Variants in PCBP3 observed in about 807,000 individuals in gnomAD.
PCBP3 encodes the protein poly(rC) binding protein 3.
Under a neutral mutation model 52.7 loss-of-function variants are expected in PCBP3, and 25 were observed. The ratio of observed to expected loss-of-function variants is 0.47; its 90% CI spans 0.35 to 0.66. The LOEUF (loss-of-function observed/expected upper bound fraction) is 0.66, where lower values mean the gene tolerates loss of function less well. Among genes scored for constraint, PCBP3 ranks in the 30% least tolerant of loss-of-function variants. The probability of loss-of-function intolerance (pLI) is 0.01; values close to 1 mark genes in which losing one functional copy is unlikely to be tolerated. For synonymous variants in PCBP3, 162 were observed against 183.0 expected (o/e 0.89, Z 0.93); for missense variants, 391 against 490.3 (o/e 0.80, Z 1.91).
chr21:45,810,885 G>T (rs1356926641), intron 4 of PCBP3, among the ~76,000 whole-genome samples: 2 of 152,042 alleles, frequency 1.3e-5, no homozygotes, highest in Non-Finnish European at 2.9e-5. Flanking sequence ...TATCAATTTT[G>T]GAAGCTGTAG....
chr21:45,905,626 C>T (rs2096183285), intron 9 of PCBP3, among the ~76,000 whole-genome samples: 1 of 152,214 alleles, frequency 6.6e-6, no homozygotes, highest in South Asian at 2.1e-4. Flanking sequence ...CCATCAGGGC[C>T]GGTTCCTCTG....
At chr21:45,932,835 A>G (rs565808321) in intron 15 of PCBP3, among the ~76,000 whole-genome samples, 1 of 151,786 alleles carries the variant, frequency 6.6e-6, no homozygotes, top group African/African-American at 2.4e-5. Context: ...CCTGAGATGA[A>G]CGAACACCTG....
At chr21:45,873,358 C>T (rs2095114905) in intron 5 of PCBP3, 1 of 152,194 alleles carries the variant, frequency 6.6e-6, no homozygotes, top group Non-Finnish European at 1.5e-5. Flanking sequence ...TCACTTGTGG[C>T]CTGTATTTCT....
At chr21:45,808,108 A>G (rs2092567789) in intron 4 of PCBP3, among the ~76,000 whole-genome samples, 1 of 152,244 alleles carries the variant, frequency 6.6e-6, no homozygotes, top group South Asian at 2.1e-4. Flanking sequence ...AAGAAAACCT[A>G]GGCAATACCA....
rs1030749624 is a variant in PCBP3, at chr21:45,758,287, A to AT, written c.-126+2844dup. ...GTTCTTCTTTTCCGAAATTTTGACT[A>AT]TTTTTTTTTGTCATTGTTGCATTCC... is the stretch of plus-strand genomic sequence containing the variant. On this transcript the variant is annotated intron_variant, in intron 4 of 17. Coordinates refer to ENST00000681687, the MANE Select transcript of PCBP3 (RefSeq NM_001384156.1). Among the ~76,000 whole-genome samples, 79 of 151,246 alleles carry AT rather than the reference A, an allele frequency of 5.2e-4. No homozygotes were observed. In the East Asian group the frequency reaches 0.012, roughly 22 times the overall value.
At chr21:45,691,404 T>C (rs1483509330) in intron 2 of PCBP3, among the ~76,000 whole-genome samples, 1 of 143,396 alleles carries the variant, frequency 7.0e-6, no homozygotes, top group African/African-American at 2.6e-5. Context: ...ATATATCTCA[T>C]ATATATATTA....
rs1329952516 is a variant in PCBP3, at chr21:45,704,516, G to T, written c.-199-30876G>T. Among the ~76,000 whole-genome samples the T allele has an allele frequency of 6.6e-6, 1 of 152,178 alleles. No homozygotes were observed. The highest frequency in any genetic ancestry group is 1.5e-5 in the Non-Finnish European group (1 of 68,006). On this transcript the variant is annotated intron_variant, in intron 2 of 17. Coordinates refer to ENST00000681687, the MANE Select transcript of PCBP3 (RefSeq NM_001384156.1). This position sits in a 1 kb window ranked among gnomAD's most constrained non-coding sequence, Gnocchi z 4.1. Reference sequence around the variant, plus strand: ...TCCCCTGGCAGAGGCGCCCCAGGGGGCTCCAGGGGAGTGCTGTCTGCTGCT... The same window carrying T: ...TCCCCTGGCAGAGGCGCCCCAGGGGTCTCCAGGGGAGTGCTGTCTGCTGCT...
intron 4 of PCBP3, among the ~76,000 whole-genome samples, chr21:45,785,734 C>T (rs965330534): frequency 4.6e-5 from 7 of 152,008 alleles, no homozygotes; most frequent in Non-Finnish European, 8.8e-5. Flanking sequence ...GGATGGTTGC[C>T]GTGTCTGTGT....
At chr21:45,914,086 C>T (rs1284322904) in intron 12 of PCBP3, 61 bp downstream of exon 12, 1 of 1,611,434 alleles carries the variant, frequency 6.2e-7, no homozygotes, top group Non-Finnish European at 8.5e-7. Context: ...GCAGCACCCG[C>T]CGCTGCCCGT....
At position 45,917,535 on chromosome 21, in the gene PCBP3, T is replaced by G; in HGVS notation, c.676-53T>G. ...CATGCTGGAGGGTGGCGGCGGGTGC[T>G]GAGCCGTGGTGCAGCCAGGTTGCAG... On this transcript the variant is annotated intron_variant, in intron 12 of 17. Coordinates refer to ENST00000681687, the MANE Select transcript of PCBP3 (RefSeq NM_001384156.1). The surrounding 1 kb of genome is among the most constrained non-coding windows in gnomAD (Gnocchi z 5.3). 2 of 1,496,324 alleles carry G rather than the reference T, an allele frequency of 1.3e-6. No homozygotes were observed. Among genetic ancestry groups the G allele is most frequent in the South Asian group, 1.1e-5 (1 of 88,700 alleles). The allele number at this position is 1,496,324 out of a possible 1,614,324, so 92.7% of individuals were successfully genotyped here. A position where few individuals can be genotyped will look rare whatever the true frequency, so the allele number is the denominator to read the frequency against.
At chr21:45,665,260 TAGAC>T (rs1210411562) in intron 1 of PCBP3, among the ~76,000 whole-genome samples, 5 of 151,898 alleles carry the variant, frequency 3.3e-5, no homozygotes, top group Admixed American at 6.6e-5. Context: ...AATAAAAAAT[TAGAC>T]AGGCATGGTG....
chr21:45,856,331 G>A (rs1297718113), intron 5 of PCBP3, among the ~76,000 whole-genome samples: 3 of 152,206 alleles, frequency 2.0e-5, no homozygotes, highest in African/African-American at 7.2e-5. Flanking sequence ...ATTGATTCCA[G>A]GCCTTCAGAT....
intron 2 of PCBP3, among the ~76,000 whole-genome samples, chr21:45,685,579 G>A (rs2082102535): frequency 6.6e-6 from 1 of 152,206 alleles, no homozygotes; most frequent in Non-Finnish European, 1.5e-5. Context: ...ACAACAGGCT[G>A]CACAAGACTG....
chr21:45,733,691 C>T (rs2085639275), intron 2 of PCBP3, among the ~76,000 whole-genome samples: 1 of 152,120 alleles, frequency 6.6e-6, no homozygotes, highest in African/African-American at 2.4e-5. Context: ...GCCTCTACTT[C>T]CTGGGTTTAA....
chr21:45,706,854 G>A (rs912395257), intron 2 of PCBP3, among the ~76,000 whole-genome samples: 2 of 152,192 alleles, frequency 1.3e-5, no homozygotes, highest in African/African-American at 2.4e-5. Context: ...TGACATCTAG[G>A]AATTAGGTAT....
chr21:45,667,589 C>T (rs769148532), intron 1 of PCBP3, among the ~76,000 whole-genome samples: 1 of 151,982 alleles, frequency 6.6e-6, no homozygotes, highest in East Asian at 1.9e-4. Context: ...TTCTTTAATC[C>T]TTTAGACATG....
chr21:45,677,055 G>C lies in PCBP3; in HGVS notation c.-200+8103G>C, dbSNP rs73232717. 8.0e-3 allele frequency among the ~76,000 whole-genome samples: 1,223 copies of C among 152,214 alleles called. 12 individuals are homozygous for C. Among genetic ancestry groups the C allele is most frequent in the Admixed American group, 0.012 (180 of 15,288 alleles). On this transcript the variant is annotated intron_variant, in intron 2 of 17. Transcript: ENST00000681687. Reference sequence around the variant, plus strand: ...CCCAAAGTGCTGCGTTAGCCACTGCGCCTGGCCACGTCTCCCACTTTAAAT... The same window carrying C: ...CCCAAAGTGCTGCGTTAGCCACTGCCCCTGGCCACGTCTCCCACTTTAAAT...
chr21:45,757,106 G>T (rs1240687118), intron 4 of PCBP3, among the ~76,000 whole-genome samples: 1 of 152,222 alleles, frequency 6.6e-6, no homozygotes, highest in African/African-American at 2.4e-5. Flanking sequence ...AAGATGCCAA[G>T]TGGTTTTTCA....
chr21:45,687,628 T>C (rs2082228680), intron 2 of PCBP3, among the ~76,000 whole-genome samples: 1 of 151,724 alleles, frequency 6.6e-6, no homozygotes, highest in South Asian at 2.1e-4. Flanking sequence ...GACCCAACAA[T>C]ATGAATAAAA....
Sources: gnomAD v4.1 joint callset for allele counts (sites outside exome capture counted in the v4.1 genomes callset) on GRCh38, gnomAD v4.1.1 for gene constraint, Gnocchi (gnomAD v3.1) non-coding constraint, MANE v1.5 for transcripts, NCBI Gene and HGNC (gene_info 2026-07-23, HGNC 2026-07-21) for gene names.